PARP1: variants seen among roughly 807,000 people sequenced by gnomAD.
The protein encoded by PARP1 is poly(ADP-ribose) polymerase 1.
PARP1 carries 44 observed loss-of-function variants against 118.7 expected under a neutral mutation model. That is an observed-to-expected ratio of 0.37 (90% CI 0.29 to 0.48). The LOEUF (loss-of-function observed/expected upper bound fraction) is 0.48. PARP1 is among the 20% of genes least tolerant of loss of function. PARP1 has a pLI of 0.99. For synonymous variants in PARP1, 492 were observed against 483.2 expected (o/e 1.02, Z -0.24); for missense variants, 1,100 against 1,272.4 (o/e 0.86, Z 2.06).
intron 4 of PARP1, among the ~76,000 whole-genome samples, chr1:226,389,266 T>C (rs1040490682): frequency 1.4e-4 from 21 of 152,002 alleles, no homozygotes; most frequent in Non-Finnish European, 2.6e-4. Flanking sequence ...TACTGCCATA[T>C]AAAGCCCTGA....
intron 5 of PARP1, among the ~76,000 whole-genome samples, chr1:226,387,610 T>C (rs1250483132): frequency 2.0e-5 from 3 of 152,142 alleles, no homozygotes; most frequent in African/African-American, 7.2e-5. Context: ...ACACCAGGAA[T>C]GGAGACATGA....
intron 3 of PARP1, among the ~76,000 whole-genome samples, chr1:226,391,658 ACTTT>A (rs1664822010): frequency 6.6e-6 from 1 of 152,208 alleles, no homozygotes; most frequent in Non-Finnish European, 1.5e-5. Flanking sequence ...GGAGGCAGAG[ACTTT>A]CAATTAATGC....
At chr1:226,394,655 TG>T (rs1187871074) in intron 2 of PARP1, among the ~76,000 whole-genome samples, 1 of 152,150 alleles carries the variant, frequency 6.6e-6, no homozygotes, top group Non-Finnish European at 1.5e-5. Flanking sequence ...AGCTCACGCT[TG>T]TAGTCCCAGC....
At chr1:226,365,238 G>T in intron 18 of PARP1, 84 bp from the exon 19 acceptor site, 1 of 1,424,486 alleles carries the variant, frequency 7.0e-7, no homozygotes. Flanking sequence ...GGATACACGA[G>T]AAATGACCGG....
rs777852531 is a variant in PARP1, at chr1:226,361,553, C to T, written c.2964-12G>A. ...CATAGACAATGTACCTGAGGGGAAGCTTGTTAAGGAGCCAACAGCCATACA... is the reference window on the plus strand; with the variant it reads ...CATAGACAATGTACCTGAGGGGAAGTTTGTTAAGGAGCCAACAGCCATACA... On this transcript the variant is annotated splice_polypyrimidine_tract_variant and intron_variant, in intron 22 of 22. Transcript: ENST00000366794. 1.3e-5 allele frequency: 20 copies of T among 1,585,534 alleles called. No individual in the cohort carries two copies.
chr1:226,386,413 C>T lies in PARP1; in HGVS notation c.747G>A (p.Lys249=), dbSNP rs1260573286. Residue 249 remains lysine, a synonymous_variant, in exon 6 of 23, where the codon AAG becomes AAA. Coordinates refer to ENST00000366794, the MANE Select transcript of PARP1 (RefSeq NM_001618.4). The part of the protein sequence containing the change: ...KAQNDLIWNI[K]DELKKVCSTN... ...TTGAACACACTTTCTTTAGCTCGTC[C>T]TTGATGTTCCAGATCAGGTCGTTCT... 2 of 1,613,646 alleles carry T rather than the reference C, an allele frequency of 1.2e-6. No individual in the cohort carries two copies. Among genetic ancestry groups the T allele is most frequent in the African/African-American group, 2.7e-5 (2 of 74,908 alleles).
chr1:226,371,742 A>G (rs912484687), intron 14 of PARP1, among the ~76,000 whole-genome samples: 2 of 152,244 alleles, frequency 1.3e-5, no homozygotes, highest in Admixed American at 6.5e-5. Context: ...ACGGCAGAGC[A>G]TGGCCAGAGT....
intron 6 of PARP1, 27 bp from the exon 7 acceptor site, chr1:226,385,707 A>G (rs1471187864): frequency 6.8e-6 from 11 of 1,606,732 alleles, no homozygotes; most frequent in Admixed American, 1.7e-5. Flanking sequence ...AACATGTCAG[A>G]GGGCAAATGC....
chr1:226,374,808 T>TTTA (rs1664457065), intron 13 of PARP1, among the ~76,000 whole-genome samples: 1 of 152,198 alleles, frequency 6.6e-6, no homozygotes, highest in African/African-American at 2.4e-5. Context: ...AAGACTAAGT[T>TTTA]TATATAGCCT....
In PARP1 at chr1:226,370,570, G is replaced by A. The variant is rs73089862; in HGVS notation, c.2071-53C>T. On this transcript the variant is annotated intron_variant, in intron 14 of 22. Coordinates refer to ENST00000366794, the MANE Select transcript of PARP1 (RefSeq NM_001618.4). ...AAGCTGGGCACTGTGCAGTGTGATC[G>A]CAGGAGAGCTGGACCGGGCAGCCCA... 1.7e-3 allele frequency: 2,463 copies of A among 1,436,848 alleles called. 34 individuals are homozygous for A. The African/African-American group carries it at 0.026, about 15-fold the overall frequency. 89.0% of individuals were successfully genotyped at this position (1,436,848 alleles called of 1,614,324 possible). A position where few individuals can be genotyped will look rare whatever the true frequency, so the allele number is the denominator to read the frequency against.
chr1:226,371,733 C>T (rs985370557), intron 14 of PARP1, among the ~76,000 whole-genome samples: 2 of 152,212 alleles, frequency 1.3e-5, no homozygotes, highest in Admixed American at 6.5e-5. Context: ...GAAGTTCTGA[C>T]GGCAGAGCAT....
At chr1:226,402,406 T>A in intron 1 of PARP1, 27 bp from the exon 2 acceptor site, 1 of 1,603,348 alleles carries the variant, frequency 6.2e-7, no homozygotes, top group Non-Finnish European at 8.5e-7. Flanking sequence ...CAGAGGGAAG[T>A]AAGTAAGCAG....
intron 18 of PARP1, among the ~76,000 whole-genome samples, chr1:226,365,428 G>A (rs1203748307): frequency 6.6e-6 from 1 of 152,234 alleles, no homozygotes. Flanking sequence ...TATGTTCTGA[G>A]ACCAGGTTTG....
At chr1:226,401,882 A>T in intron 2 of PARP1, 2 of 997,156 alleles carry the variant, frequency 2.0e-6, no homozygotes, top group Non-Finnish European at 2.8e-6. Context: ...GGTGTTGACA[A>T]GGAAGAGCCT....
intron 4 of PARP1, among the ~76,000 whole-genome samples, chr1:226,389,940 T>C (rs1311019275): frequency 6.6e-6 from 1 of 152,170 alleles, no homozygotes; most frequent in Non-Finnish European, 1.5e-5. Flanking sequence ...TTTAACACCA[T>C]GCAAAACCCT....
At chr1:226,367,100 T>C (rs1161567122) in intron 17 of PARP1, 3 of 303,760 alleles carry the variant, frequency 9.9e-6, no homozygotes, top group Non-Finnish European at 1.9e-5. Flanking sequence ...ACACCGGTAA[T>C]AAGTCTTCTA....
intron 7 of PARP1, among the ~76,000 whole-genome samples, chr1:226,384,824 T>C (rs1040198006): frequency 1.1e-4 from 16 of 151,982 alleles, no homozygotes; most frequent in African/African-American, 3.4e-4. Flanking sequence ...GATTCCTGAG[T>C]GTGTACTGTG....
chr1:226,402,126 G>A, intron 2 of PARP1, 88 bp downstream of exon 2: 8 of 1,611,258 alleles, frequency 5.0e-6, no homozygotes, highest in Admixed American at 1.7e-5. Context: ...GCAAGCTGGG[G>A]GAGGTTTGCT....
chr1:226,379,965 C>G lies in PARP1; in HGVS notation c.1500G>C (p.Gly500=). 3.1e-6 allele frequency: 5 copies of G among 1,614,166 alleles called. No individual in the cohort carries two copies. Among genetic ancestry groups the G allele is most frequent in the Non-Finnish European group, 4.2e-6 (5 of 1,180,036 alleles). ...CCTTGCTTTTTTTGGAGAGCGCAGC[C>G]CCTGACTTCCCTCTTGGGGCCACAA... ...VEVVAPRGKS[G]AALSKKSKGQ... is the part of the protein sequence containing the mutation. Residue 500 remains glycine (G), a synonymous_variant, in exon 10 of 23, where the codon GGG becomes GGC. Coordinates refer to ENST00000366794, the MANE Select transcript of PARP1 (RefSeq NM_001618.4).
Sources: gnomAD v4.1 joint callset for allele counts (sites outside exome capture counted in the v4.1 genomes callset) on GRCh38, gnomAD v4.1.1 for gene constraint, MANE v1.5 for transcripts, NCBI Gene and HGNC (gene_info 2026-07-23, HGNC 2026-07-21) for gene names.